The following ZNRF1 variants were observed in gnomAD, a reference collection of about 807,000 sequenced individuals.
ZNRF1 encodes the protein zinc and ring finger 1.
A neutral mutation model predicts 18.4 loss-of-function variants in ZNRF1; 3 were observed. The observed-to-expected ratio is 0.16, with a 90% CI of 0.07 to 0.42. ZNRF1 has a LOEUF of 0.42. Ranked by LOEUF, ZNRF1 falls within the 10% of genes least tolerant of loss-of-function variation. The probability of loss-of-function intolerance (pLI) is 0.99; values close to 1 mark genes in which losing one functional copy is unlikely to be tolerated. For missense variants in ZNRF1, 310 were observed against 329.8 expected, an observed-to-expected ratio of 0.94 and a Z score of 0.47; for synonymous variants, 157 against 144.2, an observed-to-expected ratio of 1.09 and a Z score of -0.64.
chr16:75,030,054 T>C (rs1258137135), intron 1 of ZNRF1, among the ~76,000 whole-genome samples: 1 of 120,666 alleles, frequency 8.3e-6, no homozygotes, highest in Non-Finnish European at 1.6e-5. Flanking sequence ...CAGAGCAAGA[T>C]GCTATCTCAA....
At chr16:75,058,389 G>C (rs1378700480) in intron 1 of ZNRF1, among the ~76,000 whole-genome samples, 1 of 152,140 alleles carries the variant, frequency 6.6e-6, no homozygotes, top group African/African-American at 2.4e-5. Context: ...TTGCTTGCAA[G>C]GAGCACTCTA....
chr16:75,031,921 T>G (rs1371409508), intron 1 of ZNRF1, among the ~76,000 whole-genome samples: 1 of 152,150 alleles, frequency 6.6e-6, no homozygotes, highest in Non-Finnish European at 1.5e-5. Context: ...ATTGCCAGAC[T>G]GTTTTCCAAA....
intron 1 of ZNRF1, among the ~76,000 whole-genome samples, chr16:75,042,369 C>T (rs973166415): frequency 6.6e-6 from 1 of 151,322 alleles, no homozygotes; most frequent in African/African-American, 2.4e-5. Context: ...ATAGTTTTAG[C>T]TCTTACATAT....
At chr16:75,018,586 A>G (rs1203676141) in intron 1 of ZNRF1, among the ~76,000 whole-genome samples, 1 of 151,854 alleles carries the variant, frequency 6.6e-6, no homozygotes, top group Non-Finnish European at 1.5e-5. Context: ...TTTTATTCCT[A>G]CTTTGCTAAA....
intron 1 of ZNRF1, among the ~76,000 whole-genome samples, chr16:75,059,022 G>A (rs968654646): frequency 2.0e-5 from 3 of 152,090 alleles, no homozygotes; most frequent in Non-Finnish European, 4.4e-5. Context: ...GTGAGCATCT[G>A]GGAGCAGTGA....
At chr16:75,098,520 C>G (rs994112540) in intron 2 of ZNRF1, among the ~76,000 whole-genome samples, 1 of 152,228 alleles carries the variant, frequency 6.6e-6, no homozygotes, top group Non-Finnish European at 1.5e-5. Flanking sequence ...GCACAGCCCC[C>G]CAGATTTCCC....
intron 1 of ZNRF1, among the ~76,000 whole-genome samples, chr16:75,045,042 C>T (rs887323504): frequency 3.3e-5 from 5 of 152,130 alleles, no homozygotes; most frequent in African/African-American, 1.2e-4. Context: ...ATGTGGGAAA[C>T]AAACTTCGTC....
intron 1 of ZNRF1, among the ~76,000 whole-genome samples, chr16:75,055,562 G>A (rs565783727): frequency 4.1e-4 from 62 of 152,252 alleles, no homozygotes; most frequent in African/African-American, 1.4e-3. Context: ...GGCATTGCTC[G>A]TCTCCCTATG....
chr16:74,999,929 C>T lies in ZNRF1; in HGVS notation c.258C>T (p.Pro86=), dbSNP rs766342843. ...SRGTGDSERA[P]GGGGSASDST... ...GCACCGGCGACTCCGAGAGGGCGCC[C>T]GGCGGCGGAGGGTCTGCGTCCGACT... The change falls in exon 1 of 5, where the codon CCC becomes CCT. Residue 86 remains proline (P), a synonymous_variant. Transcript: ENST00000335325. The T allele has an allele frequency of 5.8e-6, 9 of 1,561,780 alleles. No homozygotes were observed. The highest frequency in any genetic ancestry group is 6.9e-6 in the Non-Finnish European group (8 of 1,154,894).
intron 1 of ZNRF1, among the ~76,000 whole-genome samples, chr16:75,083,333 A>ATAT (rs1446345844): frequency 1.3e-5 from 2 of 152,226 alleles, no homozygotes; most frequent in Non-Finnish European, 1.5e-5. Context: ...CACTACTTGA[A>ATAT]TATTACTAAG....
intron 1 of ZNRF1, among the ~76,000 whole-genome samples, chr16:75,060,391 C>T (rs2035726612): frequency 6.6e-6 from 1 of 150,404 alleles, no homozygotes; most frequent in South Asian, 2.1e-4. Flanking sequence ...TTGCCTGTGG[C>T]AGGAGCAGGG....
At chr16:75,000,288 G>A in intron 1 of ZNRF1, 193 bp downstream of exon 1, 1 of 836,522 alleles carries the variant, frequency 1.2e-6, no homozygotes, top group Non-Finnish European at 2.0e-6. Context: ...TGCGGAGCCT[G>A]GCGATTTAGG....
chr16:75,091,358 CAAA>C (rs71158576), intron 1 of ZNRF1, among the ~76,000 whole-genome samples: 1 of 133,384 alleles, frequency 7.5e-6, no homozygotes, highest in Non-Finnish European at 1.6e-5. Flanking sequence ...GACTCCATCT[CAAA>C]AAAAAAAAAA....
chr16:74,999,745 T>A lies in ZNRF1; in HGVS notation c.74T>A (p.Val25Glu). 1 of 1,391,278 alleles carries A rather than the reference T, an allele frequency of 7.2e-7. No homozygotes were observed. Among genetic ancestry groups the A allele is most frequent in the Non-Finnish European group, 9.3e-7 (1 of 1,079,384 alleles). The allele number at this position is 1,391,278 out of a possible 1,614,324, so 86.2% of individuals were successfully genotyped here. A position where few individuals can be genotyped will look rare whatever the true frequency, so the allele number is the denominator to read the frequency against. The change falls in exon 1 of 5, where the codon GTG becomes GAG. Residue 25 changes from valine (V) to glutamate (E), a missense_variant. Physicochemically the swap from Val to Glu is moderately radical, Grantham distance 121. Coordinates refer to ENST00000335325, the MANE Select transcript of ZNRF1 (RefSeq NM_032268.5). ...FPGVSTDDSA[V>E]PPPGGAPHFG... is the part of the protein sequence containing the mutation. ...GGGGTCTCCACCGATGACAGCGCCG[T>A]GCCGCCGCCGGGAGGGGCGCCCCAT...
intron 1 of ZNRF1, among the ~76,000 whole-genome samples, chr16:75,036,466 C>T (rs958184434): frequency 6.6e-6 from 1 of 152,034 alleles, no homozygotes; most frequent in African/African-American, 2.4e-5. Flanking sequence ...ACAGTCTTTG[C>T]CCCTAAACTG....
chr16:75,083,228 G>A (rs569603874), intron 1 of ZNRF1, among the ~76,000 whole-genome samples: 90 of 152,326 alleles, frequency 5.9e-4, no homozygotes, highest in Non-Finnish European at 1.1e-3. Flanking sequence ...TATTTGGGCA[G>A]TACTGGATGC....
At chr16:75,037,036 C>T (rs1231640573) in intron 1 of ZNRF1, among the ~76,000 whole-genome samples, 1 of 152,050 alleles carries the variant, frequency 6.6e-6, no homozygotes, top group Admixed American at 6.6e-5. Context: ...TATTTTTTTC[C>T]TCACAACAAT....
chr16:75,017,772 G>C (rs563875516), intron 1 of ZNRF1, among the ~76,000 whole-genome samples: 6 of 152,204 alleles, frequency 3.9e-5, no homozygotes, highest in Non-Finnish European at 7.3e-5. Context: ...TTAGACAGTT[G>C]TAGGGTAGAT....
chr16:75,022,100 G>A (rs767701239), intron 1 of ZNRF1, among the ~76,000 whole-genome samples: 1 of 152,100 alleles, frequency 6.6e-6, no homozygotes, highest in Admixed American at 6.6e-5. Flanking sequence ...TGTTGCTCAC[G>A]CTGGAGTGGG....
Sources: allele counts gnomAD v4.1 joint callset (sites outside exome capture counted in the v4.1 genomes callset), GRCh38; gene constraint gnomAD v4.1.1; transcripts MANE v1.5; gene names NCBI Gene and HGNC (gene_info 2026-07-23, HGNC 2026-07-21).